NGLY1: variants seen among roughly 807,000 people sequenced by gnomAD.
NGLY1 encodes the protein N-glycanase 1.
In NGLY1, 68 loss-of-function variants were observed where a neutral mutation model predicts 84.6. The ratio of observed to expected loss-of-function variants is 0.80; its 90% CI spans 0.66 to 0.98. NGLY1 has a LOEUF of 0.98. NGLY1 is among the 50% of genes least tolerant of loss of function. The probability of loss-of-function intolerance (pLI) is 0.00; values close to 1 mark genes in which losing one functional copy is unlikely to be tolerated. For synonymous variants in NGLY1, 280 were observed against 275.2 expected (o/e 1.02, Z -0.17); for missense variants, 779 against 770.2 (o/e 1.01, Z -0.14).
intron 8 of NGLY1, among the ~76,000 whole-genome samples, chr3:25,733,466 CGTGTGTGTGTGT>C (rs60529800): frequency 0.043 from 5,779 of 134,192 alleles, 143 homozygotes; most frequent in Non-Finnish European, 0.065. Context: ...CTCACATGGA[CGTGTGTGTGTGT>C]GTGTGTGTGT....
intron 2 of NGLY1, among the ~76,000 whole-genome samples, chr3:25,773,994 C>G (rs1708025583): frequency 6.6e-6 from 1 of 152,170 alleles, no homozygotes; most frequent in Non-Finnish European, 1.5e-5. Flanking sequence ...GCCATAGATA[C>G]CAGTACCTAC....
chr3:25,753,160 A>C (rs1345667416), intron 3 of NGLY1, among the ~76,000 whole-genome samples: 1 of 152,220 alleles, frequency 6.6e-6, no homozygotes, highest in East Asian at 1.9e-4. Flanking sequence ...GCTAAAAACA[A>C]AATCCTAAGA....
At chr3:25,745,849 G>A (rs1174740739) in intron 4 of NGLY1, among the ~76,000 whole-genome samples, 1 of 151,956 alleles carries the variant, frequency 6.6e-6, no homozygotes. Context: ...TTACCTATTC[G>A]AGAACACCTG....
chr3:25,762,908 C>T (rs561583115), intron 3 of NGLY1, among the ~76,000 whole-genome samples: 1 of 152,046 alleles, frequency 6.6e-6, no homozygotes, highest in East Asian at 1.9e-4. Flanking sequence ...GAGCCAAGAT[C>T]GTGCCATTGC....
chr3:25,787,329 T>A (rs1322671044), upstream of NGLY1, among the ~76,000 whole-genome samples: 1 of 152,188 alleles, frequency 6.6e-6, no homozygotes, highest in Non-Finnish European at 1.5e-5. Flanking sequence ...CTTCTCAACA[T>A]CTCCTGGATC....
intron 3 of NGLY1, chr3:25,755,125 T>C (rs1282062581): frequency 5.9e-6 from 8 of 1,360,220 alleles, no homozygotes; most frequent in Non-Finnish European, 8.4e-6. Context: ...CTAATGTTGA[T>C]GCAGATGATG....
At chr3:25,749,624 C>T in intron 4 of NGLY1, 2 of 1,460,316 alleles carry the variant, frequency 1.4e-6, no homozygotes, top group Non-Finnish European at 9.5e-7. Context: ...CGACAGGGTT[C>T]ATAGAAGGTT....
chr3:25,776,446 G>C (rs972695161), intron 2 of NGLY1, among the ~76,000 whole-genome samples: 1 of 152,120 alleles, frequency 6.6e-6, no homozygotes, highest in Non-Finnish European at 1.5e-5. Context: ...CTTGAACAAG[G>C]AATTTTAAAT....
intron 2 of NGLY1, among the ~76,000 whole-genome samples, chr3:25,771,752 G>C (rs568637710): frequency 6.6e-6 from 1 of 152,176 alleles, no homozygotes; most frequent in South Asian, 2.1e-4. Context: ...TCATGTGGTT[G>C]GTTAGGTATA....
At chr3:25,733,650 C>T (rs1705667417) in intron 8 of NGLY1, among the ~76,000 whole-genome samples, 1 of 152,060 alleles carries the variant, frequency 6.6e-6, no homozygotes, top group African/African-American at 2.4e-5. Flanking sequence ...TGAAATGAGA[C>T]AGTTTAATCC....
chr3:25,782,204 T>C (rs1381858474), intron 1 of NGLY1, among the ~76,000 whole-genome samples: 1 of 152,188 alleles, frequency 6.6e-6, no homozygotes, highest in African/African-American at 2.4e-5. Context: ...CTGACATGGA[T>C]TTTAAAAACT....
intron 9 of NGLY1, among the ~76,000 whole-genome samples, chr3:25,731,623 T>G (rs973101090): frequency 9.2e-5 from 14 of 152,112 alleles, no homozygotes; most frequent in African/African-American, 2.9e-4. Context: ...CCTAAACATA[T>G]TCACTGAAAA....
chr3:25,736,804 A>G (rs1210036115), intron 6 of NGLY1: 5 of 165,144 alleles, frequency 3.0e-5, no homozygotes, highest in Admixed American at 3.0e-4. Flanking sequence ...ACATTATTAC[A>G]TGTTTTTATC....
chr3:25,767,714 T>C (rs1707658815), intron 2 of NGLY1, among the ~76,000 whole-genome samples: 1 of 152,242 alleles, frequency 6.6e-6, no homozygotes, highest in Non-Finnish European at 1.5e-5. Context: ...CTTAGGTTCA[T>C]ACTCCATTTA....
upstream of NGLY1, among the ~76,000 whole-genome samples, chr3:25,784,516 T>C (rs942104624): frequency 6.6e-6 from 1 of 152,244 alleles, no homozygotes; most frequent in Non-Finnish European, 1.5e-5. Context: ...CACCATGTTC[T>C]TGAAAGTGTA....
chr3:25,785,888 G>A (rs1177389370), upstream of NGLY1, among the ~76,000 whole-genome samples: 9 of 152,200 alleles, frequency 5.9e-5, no homozygotes, highest in Middle Eastern at 3.4e-3. Context: ...CAACTAAAAC[G>A]CTATCTCACT....
intron 1 of NGLY1, 44 bp from the exon 2 acceptor site, chr3:25,778,732 T>A: frequency 8.5e-7 from 1 of 1,173,558 alleles, no homozygotes. Flanking sequence ...AAAAACCAGG[T>A]CATAGTTCTT....
At chr3:25,753,280 AGG>A (rs1706851909) in intron 3 of NGLY1, among the ~76,000 whole-genome samples, 1 of 152,208 alleles carries the variant, frequency 6.6e-6, no homozygotes. Flanking sequence ...GGAAATGATT[AGG>A]AACACAGAAT....
intron 5 of NGLY1, among the ~76,000 whole-genome samples, 176 bp from the exon 6 acceptor site, chr3:25,737,631 C>T (rs1705906308): frequency 6.6e-6 from 1 of 151,850 alleles, no homozygotes; most frequent in Non-Finnish European, 1.5e-5. Flanking sequence ...CAACCTCCGC[C>T]TCCCAGGTTC....
Sources: allele counts gnomAD v4.1 joint callset (sites outside exome capture counted in the v4.1 genomes callset), GRCh38; gene constraint gnomAD v4.1.1; transcripts MANE v1.5; gene names NCBI Gene and HGNC (gene_info 2026-07-23, HGNC 2026-07-21).